SERINC4: variants seen among roughly 807,000 people sequenced by gnomAD.
SERINC4 encodes the protein serine incorporator 4.
SERINC4 carries 52 observed loss-of-function variants against 52.0 expected under a neutral mutation model. That is an observed-to-expected ratio of 1.00 (90% CI 0.80 to 1.26). The LOEUF (loss-of-function observed/expected upper bound fraction) is 1.26. Ranked by LOEUF, SERINC4 falls within the 50% of genes most tolerant of loss-of-function variation. The pLI, the probability that SERINC4 is intolerant of heterozygous loss-of-function variation, is 0.00. For missense variants in SERINC4, 723 were observed against 632.8 expected (o/e 1.14, Z -1.53); for synonymous variants, 264 against 247.7 (o/e 1.07, Z -0.62).
intron 8 of SERINC4, 44 bp downstream of exon 8, chr15:43,796,572 G>C (rs1259001407): frequency 6.2e-7 from 1 of 1,606,788 alleles, no homozygotes. Flanking sequence ...TCCCTGTCTT[G>C]GGCACCCTCC....
chr15:43,798,666 C>A, intron 3 of SERINC4, 162 bp from the exon 4 acceptor site: 1 of 634,724 alleles, frequency 1.6e-6, no homozygotes, highest in Non-Finnish European at 2.8e-6. Context: ...TTGGGACAGG[C>A]CTACTGCACC....
At chr15:43,795,817 T>C (rs912016377) in intron 9 of SERINC4, 81 bp from the exon 10 acceptor site, 38 of 1,469,730 alleles carry the variant, frequency 2.6e-5, no homozygotes, top group African/African-American at 1.5e-4. Flanking sequence ...CGTGAAAAGA[T>C]TGGTCTAGTA....
At position 43,799,839 on chromosome 15, in the gene SERINC4, G is replaced by A. The variant is rs748396606; in HGVS notation, c.102+46C>T. On this transcript the variant is annotated intron_variant, in intron 1 of 11. Transcript: ENST00000319327. The stretch of plus-strand genomic sequence containing the variant: ...CTGTCGTTTTTATTGGCTTCTGCAC[G>A]TCTTCCTCCCCAGCTTCGGCCACTC... 3.6e-6 allele frequency: 5 copies of A among 1,383,930 alleles called. No homozygotes were observed. In the South Asian group the frequency reaches 5.1e-5, roughly 14 times the overall value. 85.7% of individuals were successfully genotyped at this position (1,383,930 alleles called of 1,614,324 possible). A position where few individuals can be genotyped will look rare whatever the true frequency, so the allele number is the denominator to read the frequency against.
rs554825719 is a variant in SERINC4 at position 43,797,942 on chromosome 15, C to A, written c.610G>T (p.Ala204Ser). The A allele has an allele frequency of 1.2e-5, 19 of 1,613,472 alleles. No individual in the cohort carries two copies. The South Asian group carries it at 1.8e-4, about 15-fold the overall frequency. The part of the protein sequence containing the change: ...LLQLVLITAF[A>S]HSWNKNWQTG... ...TACCAGTTCTTGTTCCAGGAATGGG[C>A]AAAAGCTGTAATAAGCACCAACTGC... The change falls in exon 5 of 12, where the codon GCC (alanine) becomes TCC (serine). Residue 204 changes from alanine to serine, a missense_variant. Transcript: ENST00000319327.
intron 10 of SERINC4, 60 bp from the exon 11 acceptor site, chr15:43,795,601 C>A: frequency 6.2e-7 from 1 of 1,611,580 alleles, no homozygotes; most frequent in South Asian, 1.1e-5. Flanking sequence ...CCCCTCTCCC[C>A]CAACTACCTT....
Position 43,800,201 on chromosome 15 carries a change from G to A in SERINC4, c.-215C>T. 2 of 587,306 alleles carry A rather than the reference G, an allele frequency of 3.4e-6. No homozygotes were observed. Among genetic ancestry groups the A allele is most frequent in the Non-Finnish European group, 6.0e-6 (2 of 331,568 alleles). 36.4% of individuals were successfully genotyped at this position (587,306 alleles called of 1,614,324 possible). A position where few individuals can be genotyped will look rare whatever the true frequency, so the allele number is the denominator to read the frequency against. ...TTTGTCCTTAGGGCCTCAACACTGCGGCCACTCAGGCTGTTCTCTCCAGAT... is the reference window on the plus strand; with the variant it reads ...TTTGTCCTTAGGGCCTCAACACTGCAGCCACTCAGGCTGTTCTCTCCAGAT... On this transcript the variant is annotated 5_prime_UTR_variant, in exon 1 of 12. Coordinates refer to ENST00000319327, the MANE Select transcript of SERINC4 (RefSeq NM_001258031.2).
chr15:43,796,185 C>T lies in SERINC4; in HGVS notation c.1110G>A (p.Trp370Ter), dbSNP rs1453882907. 6.2e-7 allele frequency: 1 copy of T among 1,613,870 alleles called. No individual in the cohort carries two copies. Among genetic ancestry groups the T allele is most frequent in the Admixed American group, 1.7e-5 (1 of 60,004 alleles). ...ACTCATAGCTGTAAACCTTGACAAT[C>T]CACAGGGGTCCAAATACCTCAGCCA... is the stretch of plus-strand genomic sequence containing the variant. ...SYLAEVFGPL[W>*]IVKVYSYEFQ... The change falls in exon 9 of 12, where the codon TGG (tryptophan) becomes TGA (stop). Residue 370 changes from tryptophan (W) to a stop codon, truncating the protein, a stop_gained. Coordinates refer to ENST00000319327, the MANE Select transcript of SERINC4 (RefSeq NM_001258031.2). LOFTEE classifies it high-confidence loss of function.
chr15:43,795,811 A>G (rs2087201950), intron 9 of SERINC4, 75 bp from the exon 10 acceptor site: 3 of 1,497,786 alleles, frequency 2.0e-6, no homozygotes, highest in Non-Finnish European at 9.1e-7. Context: ...TTCCCCCGTG[A>G]AAAGATTGGT....
intron 4 of SERINC4, 131 bp from the exon 5 acceptor site, chr15:43,798,144 G>A (rs1030120175): frequency 1.5e-6 from 1 of 670,510 alleles, no homozygotes; most frequent in East Asian, 2.8e-5. Context: ...CTGCCTCCCG[G>A]GTTCAAGTGA....
chr15:43,796,678 T>G lies in SERINC4; in HGVS notation c.1005A>C (p.Thr335=), dbSNP rs140099634. Residue 335 remains threonine (T), a synonymous_variant, in exon 8 of 12, where the codon ACA becomes ACC. Coordinates refer to ENST00000319327, the MANE Select transcript of SERINC4 (RefSeq NM_001258031.2). ...LPGLSKMEPQ[T]PDISLAMLSA... is the part of the protein sequence containing the mutation. ...TCAGCATTGCTAGAGAGATATCTGG[T>G]GTTTGGGGTTCCATTTTACTCAGGC... The G allele has an allele frequency of 7.2e-5, 116 of 1,613,972 alleles. No individual in the cohort carries two copies. The highest frequency in any genetic ancestry group is 3.3e-4 in the Middle Eastern group (2 of 6,084).
chr15:43,796,644 T>TG lies in SERINC4; in HGVS notation c.1038dup (p.Ile347HisfsTer12), dbSNP rs769282226. The TG allele has an allele frequency of 4.3e-6, 7 of 1,613,956 alleles. No homozygotes were observed. The African/African-American group carries it at 9.3e-5, about 22-fold the overall frequency. On this transcript the variant is annotated frameshift_variant, in exon 8 of 12. Transcript: ENST00000319327. LOFTEE classifies it high-confidence loss of function. ...GCAAAAAGCACACAAGCATACATGATGCTAGCACTCAGCATTGCTAGAGAG... is the reference window on the plus strand; with the variant it reads ...GCAAAAAGCACACAAGCATACATGATGGCTAGCACTCAGCATTGCTAGAGAG...
rs771216898 is a variant in SERINC4, at chr15:43,795,057, G to A, written c.1500C>T (p.Ile500=). 1.4e-5 allele frequency: 23 copies of A among 1,612,254 alleles called. No homozygotes were observed. The highest frequency in any genetic ancestry group is 1.9e-5 in the Non-Finnish European group (22 of 1,179,328). ...TGATGCGGTGGCGGCGGCGCCTCAA[G>A]ATAAGGGGCTGGGGTTTCTGGGTGG... ...WPPTQKPQPL[I]LRRRRHRIIS... Residue 500 remains isoleucine, a synonymous_variant, in exon 12 of 12, where the codon ATC becomes ATT. Transcript: ENST00000319327.
Position 43,795,705 on chromosome 15 carries a change from G to C in SERINC4, c.1172C>G (p.Thr391Arg). ...KPSLCFCCPE[T>R]VEADKGQRGG... ...GCACTCACCTTTGTCTGCCTCCACT[G>C]TTTCAGGGCAGCAGAAACACAGTGA... The change falls in exon 10 of 12, where the codon ACA becomes AGA. Residue 391 changes from threonine to arginine, a missense_variant. Physicochemically the swap from Thr to Arg is moderately conservative, Grantham distance 71. Transcript: ENST00000319327. 2.5e-6 allele frequency: 4 copies of C among 1,614,074 alleles called. No homozygotes were observed. The highest frequency in any genetic ancestry group is 3.4e-6 in the Non-Finnish European group (4 of 1,179,974).
chr15:43,795,282 A>C, intron 11 of SERINC4, 69 bp from the exon 12 acceptor site: 1 of 1,591,298 alleles, frequency 6.3e-7, no homozygotes, highest in Non-Finnish European at 8.6e-7. Flanking sequence ...CTACCTCCTC[A>C]CCAAATATAA....
chr15:43,799,159 A>G (rs1247224698), intron 2 of SERINC4, 22 bp from the exon 3 acceptor site: 1 of 1,542,558 alleles, frequency 6.5e-7, no homozygotes, highest in Non-Finnish European at 8.8e-7. Flanking sequence ...TGTGAGAGAA[A>G]TGGCAGGACA....
rs2087162409 is a variant in SERINC4, at chr15:43,794,758, GC to G, written c.*241del. The stretch of plus-strand genomic sequence containing the variant: ...GGGATCAGCGGTGGTTCTTTGAGCT[GC>G]TGATTTGGGTGTTAGGCTCTTGAGC... On this transcript the variant is annotated 3_prime_UTR_variant, in exon 12 of 12. Transcript: ENST00000319327. 1 of 472,938 alleles carries G rather than the reference GC, an allele frequency of 2.1e-6. No homozygotes were observed. The highest frequency in any genetic ancestry group is 3.8e-6 in the Non-Finnish European group (1 of 263,334). 29.3% of individuals were successfully genotyped at this position (472,938 alleles called of 1,614,324 possible). A position where few individuals can be genotyped will look rare whatever the true frequency, so the allele number is the denominator to read the frequency against.
In SERINC4 at chr15:43,796,682, T is replaced by G. The variant is rs905650026; in HGVS notation, c.1001A>C (p.Gln334Pro). 1.2e-5 allele frequency: 19 copies of G among 1,614,030 alleles called. No homozygotes were observed. Among genetic ancestry groups the G allele is most frequent in the Non-Finnish European group, 1.4e-5 (17 of 1,180,028 alleles). Residue 334 changes from glutamine (Q) to proline (P), a missense_variant, in exon 8 of 12, where the codon CAA becomes CCA. By Grantham distance (76) the Gln-to-Pro change is moderately conservative. Transcript: ENST00000319327. ...CATTGCTAGAGAGATATCTGGTGTTTGGGGTTCCATTTTACTCAGGCCAGG... is the reference window on the plus strand; with the variant it reads ...CATTGCTAGAGAGATATCTGGTGTTGGGGGTTCCATTTTACTCAGGCCAGG... ...CLPGLSKMEP[Q>P]TPDISLAMLS...
Position 43,799,386 on chromosome 15 carries a change from T to C in SERINC4, c.203A>G (p.His68Arg), listed in dbSNP as rs2087275232. ...GCAGCAGATTGCTGAGGCCCCCACA[T>C]GGAGGAGGATGTAGAACAGGCGGCT... ...TCSRLFYILL[H>R]VGASAICCLL... is the part of the protein sequence containing the mutation. Residue 68 changes from histidine (H) to arginine (R), a missense_variant, in exon 2 of 12, where the codon CAT becomes CGT. Coordinates refer to ENST00000319327, the MANE Select transcript of SERINC4 (RefSeq NM_001258031.2). 6.4e-7 allele frequency: 1 copy of C among 1,550,766 alleles called. No homozygotes were observed. Among genetic ancestry groups the C allele is most frequent in the South Asian group, 1.2e-5 (1 of 84,044 alleles).
chr15:43,798,549 A>G (rs1448010874), intron 3 of SERINC4, 45 bp from the exon 4 acceptor site: 1 of 1,425,336 alleles, frequency 7.0e-7, no homozygotes, highest in African/African-American at 1.4e-5. Flanking sequence ...AGAAAAGGCA[A>G]AGGACAGTGA....
Sources: gnomAD v4.1 joint callset for allele counts on GRCh38, gnomAD v4.1.1 for gene constraint, MANE v1.5 for transcripts, NCBI Gene and HGNC (gene_info 2026-07-23, HGNC 2026-07-21) for gene names.